Variants in HNF4G observed in about 807,000 individuals in gnomAD.
HNF4G encodes hepatocyte nuclear factor 4 gamma.
In HNF4G, 21 loss-of-function variants were observed where a neutral mutation model predicts 50.9. The ratio of observed to expected loss-of-function variants is 0.41; its 90% CI spans 0.29 to 0.59. HNF4G has a LOEUF of 0.59. HNF4G is among the 20% of genes least tolerant of loss of function. The pLI is 0.26. For missense variants in HNF4G, 527 were observed against 559.4 expected, an observed-to-expected ratio of 0.94 and a Z score of 0.58; for synonymous variants, 198 against 185.6, an observed-to-expected ratio of 1.07 and a Z score of -0.54.
chr8:75,561,258 G>A (rs1287857555), intron 9 of HNF4G, among the ~76,000 whole-genome samples: 1 of 152,152 alleles, frequency 6.6e-6, no homozygotes, highest in Non-Finnish European at 1.5e-5. Flanking sequence ...ATGTGGACAC[G>A]TTTTCCTTCG....
At chr8:75,423,430 A>G (rs1278522785) in intron 1 of HNF4G, among the ~76,000 whole-genome samples, 1 of 139,288 alleles carries the variant, frequency 7.2e-6, no homozygotes. Context: ...GTGCACTGCA[A>G]CCTCAACTTC....
At chr8:75,521,373 T>C (rs897621514) in intron 2 of HNF4G, among the ~76,000 whole-genome samples, 4 of 152,238 alleles carry the variant, frequency 2.6e-5, no homozygotes, top group African/African-American at 9.6e-5. Context: ...ATTTGCTTGA[T>C]AGCAGCTGCA....
chr8:75,461,661 G>A (rs575191918), intron 1 of HNF4G, among the ~76,000 whole-genome samples: 2 of 152,154 alleles, frequency 1.3e-5, no homozygotes, highest in South Asian at 4.1e-4. Flanking sequence ...TCCTTTATCT[G>A]TGGGGGATAT....
intron 9 of HNF4G, among the ~76,000 whole-genome samples, chr8:75,562,322 G>T (rs1474922398): frequency 3.3e-5 from 5 of 151,890 alleles, no homozygotes; most frequent in Admixed American, 3.3e-4. Flanking sequence ...GAATATATGA[G>T]AAAGAGAAAG....
At chr8:75,416,369 C>CT (rs781326217) in intron 1 of HNF4G, among the ~76,000 whole-genome samples, 2 of 151,850 alleles carry the variant, frequency 1.3e-5, no homozygotes, top group African/African-American at 4.8e-5. Flanking sequence ...TGGACATTTT[C>CT]TTTTTTTTCT....
chr8:75,449,173 T>C (rs1811513038), intron 1 of HNF4G, among the ~76,000 whole-genome samples: 1 of 152,224 alleles, frequency 6.6e-6, no homozygotes, highest in Non-Finnish European at 1.5e-5. Flanking sequence ...GGATTCAGAC[T>C]GCTTCTATCT....
upstream of HNF4G, among the ~76,000 whole-genome samples, chr8:75,539,086 A>G (rs536457693): frequency 7.2e-5 from 11 of 152,178 alleles, no homozygotes; most frequent in Non-Finnish European, 1.6e-4. Context: ...CTTGTCAAAT[A>G]TACACACAGA....
chr8:75,564,673 A>T lies in HNF4G; in HGVS notation c.*577A>T, dbSNP rs1807410344. The T allele has an allele frequency of 6.6e-6, 1 of 152,194 alleles. No homozygotes were observed. The highest frequency in any genetic ancestry group is 1.5e-5 in the Non-Finnish European group (1 of 68,038). 9.4% of individuals were successfully genotyped at this position (152,194 alleles called of 1,614,324 possible). A position where few individuals can be genotyped will look rare whatever the true frequency, so the allele number is the denominator to read the frequency against. Reference sequence around the variant, plus strand: ...ATATTCCTATCTTAAGTTTAGAAAAATACAAAAAACCATTCCAAGGATGAC... The same window carrying T: ...ATATTCCTATCTTAAGTTTAGAAAATTACAAAAAACCATTCCAAGGATGAC... On this transcript the variant is annotated 3_prime_UTR_variant, in exon 10 of 10. Transcript: ENST00000396423.
intron 1 of HNF4G, among the ~76,000 whole-genome samples, chr8:75,418,332 CAT>C (rs1810691070): frequency 6.6e-6 from 1 of 152,146 alleles, no homozygotes; most frequent in Non-Finnish European, 1.5e-5. Context: ...AAGACTTTAA[CAT>C]ATGATTTTGG....
chr8:75,558,482 ATTTTGTTTTG>A (rs753946717), intron 6 of HNF4G, 26 bp from the exon 7 acceptor site: 72 of 1,580,318 alleles, frequency 4.6e-5, no homozygotes, highest in Non-Finnish European at 5.8e-5. Context: ...ACAGGTGGTT[ATTTTGTTTTG>A]TTTTGTTTTG....
chr8:75,426,863 G>A (rs946212514), intron 1 of HNF4G, among the ~76,000 whole-genome samples: 8 of 152,130 alleles, frequency 5.3e-5, no homozygotes, highest in Non-Finnish European at 7.4e-5. Flanking sequence ...TATTACAGTC[G>A]CTTGTTAAAA....
At chr8:75,508,472 G>C (rs558496771) in intron 2 of HNF4G, among the ~76,000 whole-genome samples, 3 of 151,504 alleles carry the variant, frequency 2.0e-5, no homozygotes, top group Admixed American at 6.6e-5. Context: ...CTTAATAACT[G>C]TATGAAAAAT....
intron 1 of HNF4G, among the ~76,000 whole-genome samples, chr8:75,426,338 C>A (rs1235643979): frequency 6.6e-6 from 1 of 152,128 alleles, no homozygotes; most frequent in Admixed American, 6.6e-5. Flanking sequence ...CTAGACTTAT[C>A]GTACTTTTTA....
chr8:75,441,996 T>G (rs1024985555), intron 1 of HNF4G, among the ~76,000 whole-genome samples: 5 of 152,214 alleles, frequency 3.3e-5, no homozygotes. Context: ...AGCATTCTTG[T>G]GTCCATTAAC....
intron 1 of HNF4G, among the ~76,000 whole-genome samples, chr8:75,437,971 C>G (rs982656250): frequency 2.4e-4 from 36 of 152,096 alleles, no homozygotes; most frequent in African/African-American, 8.4e-4. Flanking sequence ...ATAGGCATTT[C>G]ATATATTTTA....
chr8:75,450,905 T>A (rs1032529437), intron 1 of HNF4G, among the ~76,000 whole-genome samples: 2 of 152,226 alleles, frequency 1.3e-5, no homozygotes, highest in African/African-American at 4.8e-5. Context: ...GTGTGTCTTG[T>A]GTGCTTTCTT....
chr8:75,435,409 A>G (rs1016410820), intron 1 of HNF4G, among the ~76,000 whole-genome samples: 11 of 152,196 alleles, frequency 7.2e-5, no homozygotes, highest in Non-Finnish European at 1.5e-4. Context: ...TATCTTTACT[A>G]TAATAAAGTG....
At chr8:75,460,617 C>T (rs1190196388) in intron 1 of HNF4G, among the ~76,000 whole-genome samples, 2 of 152,128 alleles carry the variant, frequency 1.3e-5, no homozygotes, top group African/African-American at 2.4e-5. Flanking sequence ...TGGGTGGAAA[C>T]TTCTCAGAAG....
intron 1 of HNF4G, among the ~76,000 whole-genome samples, chr8:75,422,782 C>T (rs1261262604): frequency 6.6e-6 from 1 of 152,016 alleles, no homozygotes; most frequent in Non-Finnish European, 1.5e-5. Flanking sequence ...TACAGGCGCC[C>T]GCCACCATGC....
Sources: allele counts gnomAD v4.1 joint callset (sites outside exome capture counted in the v4.1 genomes callset), GRCh38; gene constraint gnomAD v4.1.1; transcripts MANE v1.5; gene names NCBI Gene and HGNC (gene_info 2026-07-23, HGNC 2026-07-21).